The following OTUD5 variants were observed in gnomAD, a reference collection of about 807,000 sequenced individuals.
OTUD5 encodes OTU deubiquitinase 5.
Under a neutral mutation model 36.3 loss-of-function variants are expected in OTUD5, and 2 were observed. The observed-to-expected ratio is 0.06, with a 90% CI of 0.02 to 0.17. OTUD5 has a LOEUF of 0.17. OTUD5 is among the 10% of genes least tolerant of loss of function. OTUD5 has a pLI of 1.00. For synonymous variants in OTUD5, 234 were observed against 214.9 expected (o/e 1.09, Z -0.78); for missense variants, 233 against 512.3 (o/e 0.45, Z 5.26).
chrX:48,957,393 G>T lies in OTUD5; in HGVS notation c.178C>A (p.Arg60Ser), dbSNP rs1557055881. 1 of 1,101,604 alleles carries T rather than the reference G, an allele frequency of 9.1e-7. No individual in the cohort carries two copies. The highest frequency in any genetic ancestry group is 3.2e-5 in the Admixed American group (1 of 31,568). 90.8% of individuals were successfully genotyped at this position (1,101,604 alleles called of 1,213,427 possible). A position where few individuals can be genotyped will look rare whatever the true frequency, so the allele number is the denominator to read the frequency against. Residue 60 changes from arginine to serine, a missense_variant, in exon 1 of 9, where the codon CGT becomes AGT. Physicochemically the swap from Arg to Ser is moderately radical, Grantham distance 110. Around this residue, in one of 3 missense-constraint regions of OTUD5, gnomAD observed 155 missense variants for 217.2 expected, o/e 0.71. Transcript: ENST00000376488. ...TGAGGCGGTGGCGAAGCTCGCGGACGGGCCCCCACGACGCCGGAGTCACGG... is the reference window on the plus strand; with the variant it reads ...TGAGGCGGTGGCGAAGCTCGCGGACTGGCCCCCACGACGCCGGAGTCACGG... ...RDRDSGVVGA[R>S]PRASPPPQGP...
At position 48,957,082 on chromosome X, in the gene OTUD5, C is replaced by T. The variant is rs782630575; in HGVS notation, c.489G>A (p.Gly163=). ...CGACCTCCTCACGCTCGGGACTGCCCCCGCCAACCGCGCCAACCCCGGGAG... is the reference window on the plus strand; with the variant it reads ...CGACCTCCTCACGCTCGGGACTGCCTCCGCCAACCGCGCCAACCCCGGGAG... ...RQAPGVGAVG[G]GSPEREEVGA... is the part of the protein sequence containing the mutation. Residue 163 remains glycine, a synonymous_variant, in exon 1 of 9, where the codon GGG becomes GGA. Transcript: ENST00000376488. The T allele has an allele frequency of 8.5e-7, 1 of 1,183,052 alleles. No individual in the cohort carries two copies. The highest frequency in any genetic ancestry group is 1.9e-5 in the South Asian group (1 of 53,834).
At chrX:48,939,358 G>A (rs2063880437) in intron 2 of OTUD5, among the ~76,000 whole-genome samples, 1 of 111,295 alleles carries the variant, frequency 9.0e-6, no homozygotes, top group African/African-American at 3.3e-5. Context: ...ATAGATATCA[G>A]GGGCTGCATC....
intron 5 of OTUD5, among the ~76,000 whole-genome samples, chrX:48,930,094 ACT>A (rs1456034927): frequency 2.7e-5 from 3 of 110,979 alleles, no homozygotes; most frequent in Non-Finnish European, 5.7e-5. Context: ...ACAGAGCGAG[ACT>A]CTGTCTCAAA....
At chrX:48,955,239 T>A (rs144796830) in intron 1 of OTUD5, among the ~76,000 whole-genome samples, 2 of 111,484 alleles carry the variant, frequency 1.8e-5, no homozygotes, top group African/African-American at 6.5e-5. Context: ...CTAGGGTGTA[T>A]GTAAGTTGTC....
intron 2 of OTUD5, among the ~76,000 whole-genome samples, chrX:48,942,745 G>C (rs1271172964): frequency 9.1e-6 from 1 of 109,343 alleles, no homozygotes; most frequent in African/African-American, 3.3e-5. Context: ...TGAGGCACCA[G>C]TGAAAATGGC....
chrX:48,949,810 G>A (rs975502791), intron 1 of OTUD5, among the ~76,000 whole-genome samples: 2 of 109,427 alleles, frequency 1.8e-5, no homozygotes, highest in Non-Finnish European at 3.8e-5. Context: ...CCAAGATTAC[G>A]CCACTGCACT....
intron 2 of OTUD5, among the ~76,000 whole-genome samples, chrX:48,935,807 C>T (rs1557049821): frequency 9.2e-6 from 1 of 108,972 alleles, no homozygotes; most frequent in African/African-American, 3.4e-5. Flanking sequence ...GGCATGGTGG[C>T]GGGCGCCTAT....
At chrX:48,925,083 C>T (rs976689457) in intron 6 of OTUD5, among the ~76,000 whole-genome samples, 1 of 110,075 alleles carries the variant, frequency 9.1e-6, no homozygotes, top group African/African-American at 3.3e-5. Flanking sequence ...TGGAGACCAT[C>T]CTGGCTAACA....
intron 5 of OTUD5, among the ~76,000 whole-genome samples, chrX:48,926,533 A>G (rs1429648413): frequency 1.8e-5 from 2 of 110,323 alleles, no homozygotes; most frequent in African/African-American, 3.3e-5. Flanking sequence ...TTGTATTTTT[A>G]GTAGAAATGG....
intron 1 of OTUD5, among the ~76,000 whole-genome samples, chrX:48,956,520 G>A (rs976015899): frequency 9.0e-6 from 1 of 111,484 alleles, no homozygotes; most frequent in Admixed American, 9.5e-5. Context: ...GTTCAGCCCC[G>A]ATCTCCGAGG....
chrX:48,923,893 T>C lies in OTUD5; in HGVS notation c.1423A>G (p.Thr475Ala). The C allele has an allele frequency of 1.7e-6, 2 of 1,211,881 alleles. No homozygotes were observed. Among genetic ancestry groups the C allele is most frequent in the Non-Finnish European group, 2.2e-6 (2 of 895,459 alleles). The change falls in exon 7 of 9, where the codon ACT (threonine) becomes GCT (alanine). Residue 475 changes from threonine (T) to alanine (A), a missense_variant. Around this residue, in one of 3 missense-constraint regions of OTUD5, gnomAD observed 57 missense variants for 133.1 expected, o/e 0.43. Transcript: ENST00000376488. Reference protein sequence around the residue: ...ELGMKPPSPGTVLALAKPPSP... With the variant: ...ELGMKPPSPGAVLALAKPPSP... ...GGAGGTTTGGCAAGAGCTAAAACAG[T>C]GCCTGGGGAAGGGGGCTTCATGCCC...
intron 1 of OTUD5, among the ~76,000 whole-genome samples, chrX:48,949,731 T>C (rs957148927): frequency 1.8e-5 from 2 of 110,867 alleles, no homozygotes; most frequent in African/African-American, 6.6e-5. Context: ...CTCGCACCTG[T>C]GGTCCCAGCT....
chrX:48,925,746 C>T (rs2063656872), intron 6 of OTUD5, 101 bp downstream of exon 6: 1 of 647,508 alleles, frequency 1.5e-6, no homozygotes, highest in South Asian at 2.6e-5. Context: ...TTCCTTCCCT[C>T]CCAGATGTCA....
At chrX:48,953,091 A>G (rs2064175376) in intron 1 of OTUD5, among the ~76,000 whole-genome samples, 1 of 111,964 alleles carries the variant, frequency 8.9e-6, no homozygotes, top group Admixed American at 9.5e-5. Flanking sequence ...TAAAGCAGGT[A>G]AGGAGGAGAT....
At chrX:48,923,817 C>T (rs1557046984) in intron 7 of OTUD5, 34 bp downstream of exon 7, 1 of 1,203,615 alleles carries the variant, frequency 8.3e-7, no homozygotes, top group Admixed American at 2.2e-5. Context: ...TGCCTCCTAA[C>T]TCCCAGCACA....
At chrX:48,944,728 A>C (rs1370359617) in intron 1 of OTUD5, among the ~76,000 whole-genome samples, 1 of 112,560 alleles carries the variant, frequency 8.9e-6, no homozygotes, top group Non-Finnish European at 1.9e-5. Context: ...AGAGGATTCC[A>C]AGATATGCTG....
At chrX:48,948,817 C>T (rs1376967602) in intron 1 of OTUD5, among the ~76,000 whole-genome samples, 13 of 111,865 alleles carry the variant, frequency 1.2e-4, no homozygotes, top group East Asian at 1.1e-3. Context: ...GCAAACTCAT[C>T]GCTGAGCCTA....
chrX:48,944,223 T>C lies in OTUD5; in HGVS notation c.655A>G (p.Lys219Glu), dbSNP rs1557051822. ...DKKGFIIKQM[K>E]EDGACLFRAV... ...CGGAAGAGACAGGCGCCATCCTCCT[T>C]CATCTGCTTGATGATGAAGCCCTTC... Residue 219 changes from lysine to glutamate, a missense_variant, in exon 2 of 9, where the codon AAG becomes GAG. Transcript: ENST00000376488. 8.3e-7 allele frequency: 1 copy of C among 1,207,425 alleles called. No homozygotes were observed. The highest frequency in any genetic ancestry group is 1.1e-6 in the Non-Finnish European group (1 of 892,816).
At chrX:48,957,740 C>T (rs1456338951), upstream of OTUD5, 2 of 778,060 alleles carry the variant, frequency 2.6e-6, no homozygotes, top group Non-Finnish European at 1.5e-6. Context: ...GCGGCGGCGG[C>T]GGCGGCGGCG....
Sources: gnomAD v4.1 joint callset for allele counts (sites outside exome capture counted in the v4.1 genomes callset) on GRCh38, gnomAD v4.1.1 for gene constraint, gnomAD v4.1.1 regional missense constraint, MANE v1.5 for transcripts, NCBI Gene and HGNC (gene_info 2026-07-23, HGNC 2026-07-21) for gene names.